XXYLT1: variants seen among roughly 807,000 people sequenced by gnomAD.
XXYLT1 encodes xyloside xylosyltransferase 1, also known as UDP-xylose:alpha-xyloside alpha-1,3-xylosyltransferase.
A neutral mutation model predicts 28.9 loss-of-function variants in XXYLT1; 20 were observed. The ratio of observed to expected loss-of-function variants is 0.69; its 90% confidence interval spans 0.49 to 1.00. XXYLT1 has a LOEUF of 1.00. Among genes scored for constraint, XXYLT1 ranks in the 50% least tolerant of loss-of-function variants. The pLI, the probability that XXYLT1 is intolerant of heterozygous loss-of-function variation, is 0.00. For synonymous variants in XXYLT1, 257 were observed against 253.8 expected (o/e 1.01, Z -0.12); for missense variants, 542 against 560.1 (o/e 0.97, Z 0.33).
intron 3 of XXYLT1, among the ~76,000 whole-genome samples, chr3:195,096,250 C>G (rs1716436314): frequency 6.6e-6 from 1 of 152,168 alleles, no homozygotes; most frequent in Admixed American, 6.5e-5. Context: ...GAGGGTCCCT[C>G]TAGCATGGCT....
intron 3 of XXYLT1, among the ~76,000 whole-genome samples, chr3:195,121,103 G>A (rs1270829371): frequency 6.6e-6 from 1 of 152,170 alleles, no homozygotes; most frequent in Non-Finnish European, 1.5e-5. Flanking sequence ...CCAAACACCC[G>A]GGAACCACAG....
intron 1 of XXYLT1, chr3:195,270,135 G>A: frequency 2.5e-6 from 1 of 392,582 alleles, no homozygotes; most frequent in South Asian, 2.0e-5. Flanking sequence ...ACTTCCAGAG[G>A]CCTCACCAAG....
intron 1 of XXYLT1, chr3:195,270,044 GAT>G (rs1725965493): frequency 4.8e-6 from 1 of 209,490 alleles, no homozygotes; most frequent in Non-Finnish European, 1.0e-5. Flanking sequence ...ACAGAGAGGA[GAT>G]AAGATGGTTC....
intron 2 of XXYLT1, 58 bp downstream of exon 2, chr3:195,226,651 G>A (rs1444873791): frequency 2.5e-5 from 40 of 1,583,208 alleles, no homozygotes; most frequent in Non-Finnish European, 3.0e-5. Context: ...TTGGAACCAG[G>A]GAAATGGATG....
At chr3:195,070,247 G>T in intron 3 of XXYLT1, 136 bp from the exon 4 acceptor site, 1 of 1,186,236 alleles carries the variant, frequency 8.4e-7, no homozygotes, top group Non-Finnish European at 1.1e-6. Flanking sequence ...CACTACACCA[G>T]CAAGTGGCAG....
intron 2 of XXYLT1, among the ~76,000 whole-genome samples, chr3:195,190,367 C>CAGTTA (rs1464297975): frequency 6.6e-6 from 1 of 151,822 alleles, no homozygotes; most frequent in Non-Finnish European, 1.5e-5. Flanking sequence ...TGGTGGCGTG[C>CAGTTA]ACCTGTAGTC....
intron 2 of XXYLT1, among the ~76,000 whole-genome samples, chr3:195,208,373 C>T (rs1411348797): frequency 6.6e-6 from 1 of 152,152 alleles, no homozygotes; most frequent in Non-Finnish European, 1.5e-5. Context: ...CTGAGAGTGG[C>T]AGTCAGCCCA....
At chr3:195,229,533 A>C (rs1395791690) in intron 1 of XXYLT1, among the ~76,000 whole-genome samples, 1 of 152,074 alleles carries the variant, frequency 6.6e-6, no homozygotes, top group East Asian at 1.9e-4. Context: ...CTCCTCCCCC[A>C]ACTCACTCCA....
chr3:195,160,941 C>T (rs1484041424), intron 2 of XXYLT1, among the ~76,000 whole-genome samples: 1 of 152,244 alleles, frequency 6.6e-6, no homozygotes, highest in Non-Finnish European at 1.5e-5. Flanking sequence ...CCATTTCCCT[C>T]CCAGGACAAG....
At chr3:195,110,228 AGT>A (rs1201140715) in intron 3 of XXYLT1, among the ~76,000 whole-genome samples, 1 of 23,038 alleles carries the variant, frequency 4.3e-5, no homozygotes, top group African/African-American at 1.3e-4. Context: ...GTGGTGTATA[AGT>A]GTGTGGTGTG....
intron 2 of XXYLT1, 80 bp from the exon 3 acceptor site, chr3:195,156,661 G>GGCAGA (rs2108683270): frequency 6.4e-7 from 1 of 1,559,216 alleles, no homozygotes; most frequent in African/African-American, 1.4e-5. Context: ...TGAAGTGGAG[G>GGCAGA]GCAGAGAAAA....
intron 2 of XXYLT1, among the ~76,000 whole-genome samples, chr3:195,204,309 C>G (rs571164141): frequency 5.6e-4 from 84 of 151,306 alleles, no homozygotes; most frequent in Non-Finnish European, 1.1e-3. Flanking sequence ...CACCACTGCA[C>G]TCCAGCCTGG....
intron 2 of XXYLT1, among the ~76,000 whole-genome samples, chr3:195,178,535 C>A (rs1299385051): frequency 6.6e-6 from 1 of 152,164 alleles, no homozygotes; most frequent in Admixed American, 6.5e-5. Flanking sequence ...TCCAGCAGGA[C>A]GCGGCCATCA....
At chr3:195,177,528 C>T (rs530893981) in intron 2 of XXYLT1, among the ~76,000 whole-genome samples, 6 of 152,306 alleles carry the variant, frequency 3.9e-5, no homozygotes, top group Middle Eastern at 3.4e-3. Context: ...AGGATCAATG[C>T]ACCAACTCAA....
intron 2 of XXYLT1, among the ~76,000 whole-genome samples, chr3:195,215,687 C>T (rs1193117738): frequency 6.6e-6 from 1 of 150,622 alleles, no homozygotes; most frequent in Non-Finnish European, 1.5e-5. Flanking sequence ...CCTGAGTGAC[C>T]TACAAAGAGA....
chr3:195,221,546 C>G (rs1303348593), intron 2 of XXYLT1, among the ~76,000 whole-genome samples: 2 of 152,212 alleles, frequency 1.3e-5, no homozygotes, highest in Non-Finnish European at 2.9e-5. Context: ...TCTGGCCAGC[C>G]TAGAGCCCTG....
chr3:195,106,546 C>T (rs1717101525), intron 3 of XXYLT1, among the ~76,000 whole-genome samples: 1 of 152,198 alleles, frequency 6.6e-6, no homozygotes, highest in South Asian at 2.1e-4. Context: ...GTGGGAGGGC[C>T]CTGAGTTCTT....
At chr3:195,134,790 G>A (rs1027550756) in intron 3 of XXYLT1, among the ~76,000 whole-genome samples, 18 of 151,710 alleles carry the variant, frequency 1.2e-4, no homozygotes, top group African/African-American at 4.1e-4. Context: ...CTTTCCATCC[G>A]TATTTCCCAC....
chr3:195,112,442 G>T lies in XXYLT1; in HGVS notation c.786-42331C>A. Among the ~76,000 whole-genome samples, 3 of 119,952 alleles carry T rather than the reference G, an allele frequency of 2.5e-5. No individual in the cohort carries two copies. In the South Asian group the frequency reaches 7.8e-4, roughly 31 times the overall value. The allele number at this position is 119,952 out of a possible 152,430, so 78.7% of individuals were successfully genotyped here. Reference sequence around the variant, plus strand: ...CACACACACATGCACACACACGCACGCACACCCACACGCATGTGCACACCC... The same window carrying T: ...CACACACACATGCACACACACGCACTCACACCCACACGCATGTGCACACCC... On this transcript the variant is annotated intron_variant, in intron 3 of 3. Transcript: ENST00000310380.
Sources: gnomAD v4.1 joint callset for allele counts (sites outside exome capture counted in the v4.1 genomes callset) on GRCh38, gnomAD v4.1.1 for gene constraint, MANE v1.5 for transcripts, NCBI Gene and HGNC (gene_info 2026-07-23, HGNC 2026-07-21) for gene names.